RGS6: variants seen among roughly 807,000 people sequenced by gnomAD.
RGS6 encodes regulator of G-protein signaling 6.
RGS6 carries 30 observed loss-of-function variants against 78.5 expected under a neutral mutation model. That is an observed-to-expected ratio of 0.38 (90% CI 0.29 to 0.52). The LOEUF is 0.52. RGS6 is among the 20% of genes least tolerant of loss of function. The pLI is 0.85. For synonymous variants in RGS6, 206 were observed against 206.0 expected (o/e 1.00, Z 0.00); for missense variants, 495 against 609.7 (o/e 0.81, Z 1.98).
chr14:72,263,015 T>C (rs2058437025), intron 2 of RGS6, among the ~76,000 whole-genome samples: 1 of 152,208 alleles, frequency 6.6e-6, no homozygotes, highest in East Asian at 1.9e-4. Context: ...AAGAGTCAAC[T>C]CTGACTGCCC....
intron 2 of RGS6, among the ~76,000 whole-genome samples, chr14:72,041,961 A>G (rs2092442804): frequency 6.6e-6 from 1 of 152,114 alleles, no homozygotes; most frequent in Non-Finnish European, 1.5e-5. Flanking sequence ...TAATGATAGA[A>G]CTACTGCTAA....
intron 1 of RGS6, among the ~76,000 whole-genome samples, chr14:71,963,152 T>C (rs2093319235): frequency 1.3e-5 from 2 of 152,178 alleles, no homozygotes; most frequent in Non-Finnish European, 2.9e-5. Flanking sequence ...TCAGAGCATA[T>C]AGCAGGTGTT....
At chr14:72,030,289 T>A (rs2153331481) in intron 2 of RGS6, among the ~76,000 whole-genome samples, 1 of 152,232 alleles carries the variant, frequency 6.6e-6, no homozygotes, top group South Asian at 2.1e-4. Flanking sequence ...AGCAATTACA[T>A]TACATATAAA....
chr14:72,241,088 C>T lies in RGS6; in HGVS notation c.85-111007C>T, dbSNP rs528644405. Among the ~76,000 whole-genome samples, 5 of 147,672 alleles carry T rather than the reference C, an allele frequency of 3.4e-5. No individual in the cohort carries two copies. The South Asian group carries it at 1.1e-3, about 32-fold the overall frequency. On this transcript the variant is annotated intron_variant, in intron 2 of 17. Coordinates refer to ENST00000553525, the MANE Select transcript of RGS6 (RefSeq NM_001204424.2). ...AGGAGAATTGCTTGAACCAGGGAGT[C>T]AGAGGCTGCAGTGAGCTGAGATCAT...
At chr14:72,232,599 C>T (rs1191980918) in intron 2 of RGS6, among the ~76,000 whole-genome samples, 3 of 152,168 alleles carry the variant, frequency 2.0e-5, no homozygotes, top group African/African-American at 7.2e-5. Context: ...TGAGCAGCCA[C>T]TGCCTGGAAG....
At chr14:72,329,113 A>T (rs1019216644) in intron 2 of RGS6, among the ~76,000 whole-genome samples, 1 of 152,198 alleles carries the variant, frequency 6.6e-6, no homozygotes, top group African/African-American at 2.4e-5. Context: ...ACCTCAGGTG[A>T]TCCACCCACC....
chr14:72,395,647 A>T (rs1460284086), intron 3 of RGS6, among the ~76,000 whole-genome samples: 1 of 152,064 alleles, frequency 6.6e-6, no homozygotes, highest in Non-Finnish European at 1.5e-5. Flanking sequence ...CTCGTCATTT[A>T]ACATTAGGTA....
chr14:72,089,726 C>T (rs540298425), intron 2 of RGS6, among the ~76,000 whole-genome samples: 7 of 152,286 alleles, frequency 4.6e-5, no homozygotes, highest in South Asian at 4.1e-4. Flanking sequence ...GAGGGAGAGC[C>T]GCATGGCATA....
intron 2 of RGS6, among the ~76,000 whole-genome samples, chr14:72,260,722 G>A (rs1032077133): frequency 6.6e-6 from 1 of 152,322 alleles, no homozygotes; most frequent in East Asian, 1.9e-4. Context: ...GCTCTCTCCA[G>A]GCCCATCAGA....
At chr14:72,602,467 G>A in the RGS6 span, among the ~76,000 whole-genome samples, 135,619 of 152,010 alleles carry the variant, frequency 0.89, 60,612 homozygotes, top group Non-Finnish European at 0.92. Flanking sequence ...AGGTTATGTA[G>A]CATGGCCGCC....
At chr14:72,215,451 A>AT (rs1029537329) in intron 2 of RGS6, among the ~76,000 whole-genome samples, 16 of 151,990 alleles carry the variant, frequency 1.1e-4, no homozygotes, top group East Asian at 3.9e-4. Flanking sequence ...CAGCAAGGCC[A>AT]TTTTTTTTAC....
intron 2 of RGS6, among the ~76,000 whole-genome samples, chr14:72,183,015 C>G (rs542094029): frequency 1.2e-4 from 19 of 152,176 alleles, no homozygotes; most frequent in Admixed American, 2.6e-4. Flanking sequence ...GGTAAGGTCC[C>G]AGAAACATTT....
At chr14:72,140,809 G>A (rs148839980) in intron 2 of RGS6, among the ~76,000 whole-genome samples, 47 of 152,322 alleles carry the variant, frequency 3.1e-4, no homozygotes, top group Non-Finnish European at 5.7e-4. Context: ...GCTGCATCTT[G>A]AATCTGAGGA....
At chr14:72,460,625 G>A (rs928344657) in intron 6 of RGS6, among the ~76,000 whole-genome samples, 3 of 152,218 alleles carry the variant, frequency 2.0e-5, no homozygotes, top group South Asian at 4.1e-4. Context: ...CCTGAAGGTT[G>A]TAGCTGCAGC....
intron 2 of RGS6, among the ~76,000 whole-genome samples, chr14:72,008,923 A>T (rs1169916926): frequency 6.6e-6 from 1 of 152,222 alleles, no homozygotes; most frequent in Non-Finnish European, 1.5e-5. Flanking sequence ...GAGGCCTGAC[A>T]CCATTTCCTA....
chr14:72,575,607 C>G, the RGS6 span, among the ~76,000 whole-genome samples: 8 of 152,244 alleles, frequency 5.3e-5, no homozygotes, highest in East Asian at 1.5e-3. Context: ...CTTTCTCCAC[C>G]ACCTCCATCA....
intron 3 of RGS6, among the ~76,000 whole-genome samples, chr14:72,435,309 C>A (rs1187674811): frequency 1.3e-5 from 2 of 152,148 alleles, no homozygotes; most frequent in Non-Finnish European, 2.9e-5. Context: ...CATGTAATAG[C>A]CCTGCAAAGC....
At chr14:72,558,718 G>A (rs954244038) in intron 17 of RGS6, among the ~76,000 whole-genome samples, 1 of 152,158 alleles carries the variant, frequency 6.6e-6, no homozygotes, top group African/African-American at 2.4e-5. Flanking sequence ...ACCCAGCACT[G>A]AGCCCATGGT....
chr14:72,151,133 G>T (rs770051584), intron 2 of RGS6, among the ~76,000 whole-genome samples: 4 of 152,148 alleles, frequency 2.6e-5, no homozygotes, highest in African/African-American at 4.8e-5. Flanking sequence ...CGAAGACCCG[G>T]GTGTGTAACC....
Sources: allele counts gnomAD v4.1 joint callset (sites outside exome capture counted in the v4.1 genomes callset), GRCh38; gene constraint gnomAD v4.1.1; transcripts MANE v1.5; gene names NCBI Gene and HGNC (gene_info 2026-07-23, HGNC 2026-07-21).